ARHGAP26: variants seen among roughly 807,000 people sequenced by gnomAD.
ARHGAP26 encodes the protein rho GTPase-activating protein 26.
A neutral mutation model predicts 104.8 loss-of-function variants in ARHGAP26; 38 were observed. The observed-to-expected ratio is 0.36, with a 90% confidence interval of 0.28 to 0.48. The LOEUF is 0.48. Ranked by LOEUF, ARHGAP26 falls within the 20% of genes least tolerant of loss-of-function variation. ARHGAP26 has a pLI of 0.99. For missense variants in ARHGAP26, 704 were observed against 947.9 expected (o/e 0.74, Z 3.38); for synonymous variants, 341 against 340.0 (o/e 1.00, Z -0.03).
At chr5:142,833,745 G>A (rs1228840898) in intron 1 of ARHGAP26, among the ~76,000 whole-genome samples, 2 of 152,178 alleles carry the variant, frequency 1.3e-5, no homozygotes, top group African/African-American at 2.4e-5. Context: ...ATGAGATGTG[G>A]CCACTACCCC....
At chr5:142,904,229 G>A (rs1275382630) in intron 8 of ARHGAP26, among the ~76,000 whole-genome samples, 4 of 151,966 alleles carry the variant, frequency 2.6e-5, no homozygotes, top group Non-Finnish European at 5.9e-5. Flanking sequence ...GGTGGCTCAC[G>A]TCTGTAATCC....
At chr5:142,982,184 C>T (rs140704675) in intron 11 of ARHGAP26, among the ~76,000 whole-genome samples, 158 of 152,340 alleles carry the variant, frequency 1.0e-3, no homozygotes, top group African/African-American at 3.7e-3. Flanking sequence ...CCCCATCCCC[C>T]AAGGCAAAGG....
chr5:143,124,449 A>G (rs246596), intron 18 of ARHGAP26, among the ~76,000 whole-genome samples: 11,453 of 152,312 alleles, frequency 0.075, 866 homozygotes, highest in African/African-American at 0.19. Context: ...AGAAGGGCTT[A>G]TGTGTGCCCC....
chr5:142,938,179 T>TG (rs201121420), intron 11 of ARHGAP26, among the ~76,000 whole-genome samples: 275 of 151,852 alleles, frequency 1.8e-3, no homozygotes, highest in African/African-American at 3.3e-3. Context: ...CATTGGATTA[T>TG]GGGGGGGGAA....
At chr5:143,056,281 T>C (rs987020733) in intron 16 of ARHGAP26, among the ~76,000 whole-genome samples, 195 bp downstream of exon 16, 3 of 151,366 alleles carry the variant, frequency 2.0e-5, no homozygotes, top group African/African-American at 7.3e-5. Flanking sequence ...TTCTACCACA[T>C]TGAATTTACA....
chr5:143,213,938 G>A lies in ARHGAP26; in HGVS notation c.2100-59G>A. On this transcript the variant is annotated intron_variant, in intron 21 of 22. Transcript: ENST00000645722. ...GGAAAGGGAAGAAGAGAGATGAAAT[G>A]TCTGGGGCTTTCTAAGGGTTTTTTC... The A allele has an allele frequency of 6.1e-6, 7 of 1,154,118 alleles. No homozygotes were observed. In the South Asian group the frequency reaches 9.5e-5, roughly 16 times the overall value. The allele number at this position is 1,154,118 out of a possible 1,614,324, so 71.5% of individuals were successfully genotyped here. A position where few individuals can be genotyped will look rare whatever the true frequency, so the allele number is the denominator to read the frequency against.
intron 1 of ARHGAP26, among the ~76,000 whole-genome samples, chr5:142,828,201 A>C (rs947325157): frequency 6.6e-6 from 1 of 152,178 alleles, no homozygotes; most frequent in Non-Finnish European, 1.5e-5. Context: ...TACTCAGGGG[A>C]TGAAGTATCT....
intron 22 of ARHGAP26, chr5:143,216,719 C>T (rs530224456): frequency 1.5e-4 from 23 of 155,570 alleles, no homozygotes; most frequent in Middle Eastern, 3.3e-3. Context: ...CTGCTTTTAA[C>T]CAGCCTTGCC....
At chr5:142,867,592 C>T (rs982142312) in intron 1 of ARHGAP26, among the ~76,000 whole-genome samples, 4 of 152,062 alleles carry the variant, frequency 2.6e-5, no homozygotes, top group Non-Finnish European at 5.9e-5. Flanking sequence ...TAACTGCAAC[C>T]TGGGGCTTGT....
chr5:143,037,265 A>G lies in ARHGAP26; in HGVS notation c.1210+4A>G. The G allele has an allele frequency of 1.9e-6, 3 of 1,594,314 alleles. No homozygotes were observed. Among genetic ancestry groups the G allele is most frequent in the Non-Finnish European group, 2.6e-6 (3 of 1,165,248 alleles). ...ATCCATGCTGTGGAAACCAGAGGTA[A>G]AGTAGTTTAACAGATGGCATTGTTC... On this transcript the variant is annotated splice_donor_region_variant and intron_variant, in intron 13 of 22. Transcript: ENST00000645722.
At chr5:142,959,527 G>A (rs1019984121) in intron 11 of ARHGAP26, among the ~76,000 whole-genome samples, 7 of 152,140 alleles carry the variant, frequency 4.6e-5, no homozygotes, top group Non-Finnish European at 7.4e-5. Context: ...ATCCTTGCTG[G>A]CTGTCAGCCA....
At chr5:143,033,285 G>A (rs555456437) in intron 12 of ARHGAP26, among the ~76,000 whole-genome samples, 30 of 152,288 alleles carry the variant, frequency 2.0e-4, no homozygotes, top group Middle Eastern at 3.4e-3. Flanking sequence ...AATCTCTAAC[G>A]CTGGGAAAAC....
chr5:142,994,312 A>G (rs1445352658), intron 11 of ARHGAP26, among the ~76,000 whole-genome samples: 1 of 152,226 alleles, frequency 6.6e-6, no homozygotes, highest in Admixed American at 6.5e-5. Context: ...CATGGGACAG[A>G]TGAGGAAACA....
chr5:142,992,267 T>C (rs553666603), intron 11 of ARHGAP26, among the ~76,000 whole-genome samples: 1 of 152,208 alleles, frequency 6.6e-6, no homozygotes, highest in African/African-American at 2.4e-5. Flanking sequence ...CTGAGATTTG[T>C]TTTGGCATCA....
At chr5:142,917,087 C>T (rs566769128) in intron 10 of ARHGAP26, among the ~76,000 whole-genome samples, 30 of 150,490 alleles carry the variant, frequency 2.0e-4, no homozygotes, top group African/African-American at 5.4e-4. Context: ...TTGCCCAGGC[C>T]GGAGTGCAGT....
At chr5:142,874,535 C>T (rs183214689) in intron 2 of ARHGAP26, among the ~76,000 whole-genome samples, 4 of 152,264 alleles carry the variant, frequency 2.6e-5, no homozygotes, top group East Asian at 3.9e-4. Flanking sequence ...GGCCATTGCA[C>T]GTAATGCTTA....
At chr5:143,107,251 G>T (rs932786121) in intron 17 of ARHGAP26, among the ~76,000 whole-genome samples, 4 of 152,162 alleles carry the variant, frequency 2.6e-5, no homozygotes, top group African/African-American at 9.7e-5. Context: ...TATGACATGA[G>T]GTTGGAGGGG....
chr5:143,195,945 A>G (rs1806760916), intron 20 of ARHGAP26, among the ~76,000 whole-genome samples: 1 of 150,564 alleles, frequency 6.6e-6, no homozygotes. Context: ...TTTCTGCTCA[A>G]TTTTGCTGTG....
intron 17 of ARHGAP26, among the ~76,000 whole-genome samples, chr5:143,098,315 A>G (rs1792712379): frequency 6.6e-6 from 1 of 152,220 alleles, no homozygotes; most frequent in Non-Finnish European, 1.5e-5. Flanking sequence ...ACAATTCCGC[A>G]ATGTCATTTT....
Sources: allele counts gnomAD v4.1 joint callset (sites outside exome capture counted in the v4.1 genomes callset), GRCh38; gene constraint gnomAD v4.1.1; transcripts MANE v1.5; gene names NCBI Gene and HGNC (gene_info 2026-07-23, HGNC 2026-07-21).